TMEM132B: variants seen among roughly 807,000 people sequenced by gnomAD.
TMEM132B encodes transmembrane protein 132B.
In TMEM132B, 18 loss-of-function variants were observed where a neutral mutation model predicts 90.8. The ratio of observed to expected loss-of-function variants is 0.20; its 90% CI spans 0.14 to 0.29. The LOEUF (loss-of-function observed/expected upper bound fraction) is 0.29, where lower values mean the gene tolerates loss of function less well. Among genes scored for constraint, TMEM132B ranks in the 10% least tolerant of loss-of-function variants. The probability of loss-of-function intolerance (pLI) is 1.00; values close to 1 mark genes in which losing one functional copy is unlikely to be tolerated. For missense variants in TMEM132B, 1,096 were observed against 1,326.8 expected, an observed-to-expected ratio of 0.83 and a Z score of 2.70; for synonymous variants, 504 against 523.3, an observed-to-expected ratio of 0.96 and a Z score of 0.50.
chr12:125,409,525 G>A (rs1230957576), intron 2 of TMEM132B, among the ~76,000 whole-genome samples: 1 of 152,054 alleles, frequency 6.6e-6, no homozygotes, highest in African/African-American at 2.4e-5. Flanking sequence ...TGTGTCCCAA[G>A]CCTCAGTGCC....
intron 2 of TMEM132B, among the ~76,000 whole-genome samples, chr12:125,384,190 G>T (rs1878763260): frequency 6.6e-6 from 1 of 152,114 alleles, no homozygotes; most frequent in South Asian, 2.1e-4. Flanking sequence ...CAGGGTGATT[G>T]CCTCGGCCTC....
Position 125,459,732 on chromosome 12 carries a change from G to A in TMEM132B, c.1106+44055G>A, listed in dbSNP as rs1391722277. On this transcript the variant is annotated intron_variant, in intron 3 of 8. Coordinates refer to ENST00000682704, the MANE Select transcript of TMEM132B (RefSeq NM_001366854.1). This position sits in a 1 kb window ranked among gnomAD's most constrained non-coding sequence, Gnocchi z 4.1. ...GAGAGGATGGATACCCCATGGTATG[G>A]TCTGGATGTGTCCCCACCCAAATCT... Among the ~76,000 whole-genome samples the A allele has an allele frequency of 6.6e-6, 1 of 152,184 alleles. No individual in the cohort carries two copies. Among genetic ancestry groups the A allele is most frequent in the African/African-American group, 2.4e-5 (1 of 41,450 alleles).
chr12:125,463,717 G>T (rs116786229), intron 3 of TMEM132B, among the ~76,000 whole-genome samples: 48 of 152,272 alleles, frequency 3.2e-4, no homozygotes, highest in African/African-American at 1.1e-3. Flanking sequence ...GAAGGGCAAG[G>T]TATTCTTTTT....
chr12:125,590,056 A>G (rs1021462886), intron 5 of TMEM132B, among the ~76,000 whole-genome samples: 3 of 151,724 alleles, frequency 2.0e-5, no homozygotes, highest in Non-Finnish European at 2.9e-5. Context: ...GTTGTTTAAA[A>G]GTGTGTGGCA....
intron 2 of TMEM132B, among the ~76,000 whole-genome samples, chr12:125,412,692 C>G (rs542179071): frequency 6.6e-6 from 1 of 152,058 alleles, no homozygotes; most frequent in Admixed American, 6.5e-5. Context: ...TAGCAAGTAC[C>G]GATAGGAAGG....
chr12:125,240,262 G>A (rs1874035629), intron 1 of TMEM132B, among the ~76,000 whole-genome samples: 1 of 152,162 alleles, frequency 6.6e-6, no homozygotes, highest in Non-Finnish European at 1.5e-5. Context: ...TGGGGTGAGG[G>A]AGTGAACTGG....
At position 125,655,048 on chromosome 12, in the gene TMEM132B, T is replaced by C. The variant is rs145546540; in HGVS notation, c.*338T>C. 5,281 of 229,032 alleles carry C rather than the reference T, an allele frequency of 0.023. 100 individuals are homozygous for C. The highest frequency in any genetic ancestry group is 0.035 in the Non-Finnish European group (4,057 of 116,732). The allele number at this position is 229,032 out of a possible 1,614,324, so 14.2% of individuals were successfully genotyped here. On this transcript the variant is annotated 3_prime_UTR_variant, in exon 9 of 9. Coordinates refer to ENST00000682704, the MANE Select transcript of TMEM132B (RefSeq NM_001366854.1). ...AATGGCCATGTGGAATTAGAAAAGATTTGGGTGTTGATTTTTCTATTTCTA... is the reference window on the plus strand; with the variant it reads ...AATGGCCATGTGGAATTAGAAAAGACTTGGGTGTTGATTTTTCTATTTCTA...
intron 1 of TMEM132B, among the ~76,000 whole-genome samples, chr12:125,329,148 G>C (rs1364929687): frequency 6.6e-6 from 1 of 152,222 alleles, no homozygotes; most frequent in Non-Finnish European, 1.5e-5. Flanking sequence ...TATAAGTAGA[G>C]AAAGAAGTAC....
intron 5 of TMEM132B, among the ~76,000 whole-genome samples, chr12:125,639,313 T>A (rs1222199242): frequency 6.6e-6 from 1 of 152,254 alleles, no homozygotes; most frequent in South Asian, 2.1e-4. Context: ...GAAATCACTT[T>A]CACTTTTCTT....
In TMEM132B at chr12:125,625,130, C is replaced by CTTTTTTTTTTTTTT. The variant is rs1169262449; in HGVS notation, c.1438-18939_1438-18926dup. Among the ~76,000 whole-genome samples, 8 of 103,906 alleles carry CTTTTTTTTTTTTTT rather than the reference C, an allele frequency of 7.7e-5. 1 individual carries two copies. Among genetic ancestry groups the CTTTTTTTTTTTTTT allele is most frequent in the Admixed American group, 2.4e-4 (2 of 8,460 alleles). 68.2% of individuals were successfully genotyped at this position (103,906 alleles called of 152,430 possible). Reference sequence around the variant, plus strand: ...ATATGTAGTCTTTTGGATTTGACTTCTTTTTTTTTTTTTTTTTTTTGAGAC... The same window carrying CTTTTTTTTTTTTTT: ...ATATGTAGTCTTTTGGATTTGACTTCTTTTTTTTTTTTTTTTTTTTTTTTTTTTTTTTTTGAGAC... On this transcript the variant is annotated intron_variant, in intron 5 of 8. Transcript: ENST00000682704.
rs1887022451 is a variant in TMEM132B, at chr12:125,654,869, A to G, written c.*159A>G. The G allele has an allele frequency of 2.3e-6, 2 of 866,308 alleles. No homozygotes were observed. Among genetic ancestry groups the G allele is most frequent in the African/African-American group, 1.7e-5 (1 of 58,662 alleles). The allele number at this position is 866,308 out of a possible 1,614,324, so 53.7% of individuals were successfully genotyped here. On this transcript the variant is annotated 3_prime_UTR_variant, in exon 9 of 9. Coordinates refer to ENST00000682704, the MANE Select transcript of TMEM132B (RefSeq NM_001366854.1). This position sits in a 1 kb window ranked among gnomAD's most constrained non-coding sequence, Gnocchi z 5.8. ...AGGTAAAAGAGGTTTGGAGAGCTAT[A>G]GAAGCTGGGTTTTAAGTTTGGAAAT...
At chr12:125,512,726 A>G (rs1313229171) in intron 3 of TMEM132B, among the ~76,000 whole-genome samples, 1 of 152,214 alleles carries the variant, frequency 6.6e-6, no homozygotes, top group African/African-American at 2.4e-5. Context: ...GAGCATACTC[A>G]GAGAAAGCAG....
intron 3 of TMEM132B, among the ~76,000 whole-genome samples, chr12:125,430,993 C>T (rs1313890523): frequency 2.0e-5 from 3 of 151,978 alleles, no homozygotes; most frequent in Non-Finnish European, 4.4e-5. Flanking sequence ...AGGTGGCCGG[C>T]CCCAGTATGG....
At chr12:125,563,127 AT>A (rs1348550828) in intron 4 of TMEM132B, among the ~76,000 whole-genome samples, 1 of 147,082 alleles carries the variant, frequency 6.8e-6, no homozygotes, top group Non-Finnish European at 1.5e-5. Context: ...AAGATCAGTG[AT>A]CACAGGTCAC....
intron 3 of TMEM132B, among the ~76,000 whole-genome samples, chr12:125,455,375 C>G (rs1881266031): frequency 6.6e-6 from 1 of 152,196 alleles, no homozygotes. Flanking sequence ...GTGGGAATCA[C>G]AGCCTGTGCT....
intron 4 of TMEM132B, among the ~76,000 whole-genome samples, chr12:125,529,523 C>G (rs188053277): frequency 3.9e-5 from 6 of 152,312 alleles, no homozygotes; most frequent in Admixed American, 3.9e-4. Flanking sequence ...CTTTCTCTGC[C>G]TTCCCACCTC....
At chr12:125,488,788 C>T (rs1307434195) in intron 3 of TMEM132B, among the ~76,000 whole-genome samples, 2 of 152,226 alleles carry the variant, frequency 1.3e-5, no homozygotes, top group Non-Finnish European at 2.9e-5. Context: ...TTTTTCTGGA[C>T]TTGGCTTAGC....
At chr12:125,511,076 C>T (rs1053379683) in intron 3 of TMEM132B, among the ~76,000 whole-genome samples, 4 of 152,182 alleles carry the variant, frequency 2.6e-5, no homozygotes, top group Admixed American at 2.6e-4. Context: ...CCACTTACCC[C>T]AGTCCTTGGC....
At chr12:125,298,979 T>C (rs1192945483) in intron 1 of TMEM132B, among the ~76,000 whole-genome samples, 1 of 151,954 alleles carries the variant, frequency 6.6e-6, no homozygotes, top group African/African-American at 2.4e-5. Flanking sequence ...GTGATCTGCC[T>C]GCCTCGGCCT....
Sources: gnomAD v4.1 joint callset for allele counts (sites outside exome capture counted in the v4.1 genomes callset) on GRCh38, gnomAD v4.1.1 for gene constraint, Gnocchi (gnomAD v3.1) non-coding constraint, MANE v1.5 for transcripts, NCBI Gene and HGNC (gene_info 2026-07-23, HGNC 2026-07-21) for gene names.